The following NKTR variants were observed in gnomAD, a reference collection of about 807,000 sequenced individuals.
NKTR encodes the protein natural killer cell triggering receptor, also known as NK-tumor recognition protein.
Under a neutral mutation model 156.3 loss-of-function variants are expected in NKTR, and 67 were observed. The ratio of observed to expected loss-of-function variants is 0.43; its 90% CI spans 0.35 to 0.53. The LOEUF is 0.53. Among genes scored for constraint, NKTR ranks in the 20% least tolerant of loss-of-function variants. The probability of loss-of-function intolerance (pLI) is 0.01; values close to 1 mark genes in which losing one functional copy is unlikely to be tolerated. For synonymous variants in NKTR, 640 were observed against 596.6 expected, an observed-to-expected ratio of 1.07 and a Z score of -1.06; for missense variants, 1,604 against 1,730.9, an observed-to-expected ratio of 0.93 and a Z score of 1.30.
chr3:42,628,253 T>C (rs1000394085), intron 6 of NKTR: 8 of 985,310 alleles, frequency 8.1e-6, no homozygotes, highest in African/African-American at 3.5e-5. Context: ...ATGGGCAGGC[T>C]GAGTTGTCCT....
rs1363368027 is a variant in NKTR, at chr3:42,632,869, T to C, written c.773+46T>C. 2 of 1,452,800 alleles carry C rather than the reference T, an allele frequency of 1.4e-6. 1 individual carries two copies. Among genetic ancestry groups the C allele is most frequent in the South Asian group, 3.3e-5 (2 of 60,358 alleles). 90.0% of individuals were successfully genotyped at this position (1,452,800 alleles called of 1,614,324 possible). On this transcript the variant is annotated intron_variant, in intron 9 of 16. Coordinates refer to ENST00000232978, the MANE Select transcript of NKTR (RefSeq NM_005385.4). ...TACTCTTACCTAAAAACAAACACTC[T>C]GGAATGGGAAAAGTATGTATAATTC...
chr3:42,600,913 C>A, intron 1 of NKTR, 71 bp from the exon 2 acceptor site: 1 of 974,760 alleles, frequency 1.0e-6, no homozygotes, highest in Non-Finnish European at 1.4e-6. Context: ...TCGTCTCAGC[C>A]CCGCCCTCGC....
intron 14 of NKTR, 132 bp from the exon 15 acceptor site, chr3:42,643,207 A>G: frequency 1.4e-6 from 1 of 710,470 alleles, no homozygotes; most frequent in Middle Eastern, 3.1e-4. Context: ...TTTTGATATG[A>G]AAACAAAACA....
chr3:42,610,594 AT>A (rs149516815), intron 2 of NKTR, among the ~76,000 whole-genome samples: 17 of 148,102 alleles, frequency 1.1e-4, no homozygotes, highest in African/African-American at 2.5e-4. Flanking sequence ...CTATCGTGGG[AT>A]TTTTTTTTTC....
chr3:42,623,888 C>T (rs1559566867), intron 6 of NKTR: 1 of 152,168 alleles, frequency 6.6e-6, no homozygotes, highest in South Asian at 2.1e-4. Context: ...TTTATAGGCT[C>T]AATAAGGATT....
chr3:42,618,193 A>G (rs1241482074), intron 3 of NKTR, among the ~76,000 whole-genome samples: 1 of 151,790 alleles, frequency 6.6e-6, no homozygotes, highest in Non-Finnish European at 1.5e-5. Context: ...TCTACTAAAA[A>G]TACAAAAATT....
rs1201309252 is a variant in NKTR at position 42,642,683 on chromosome 3, G to C, written c.4142+87G>C. 5.5e-6 allele frequency: 5 copies of C among 909,260 alleles called. No homozygotes were observed. The Admixed American group carries it at 8.9e-5, about 16-fold the overall frequency. 56.3% of individuals were successfully genotyped at this position (909,260 alleles called of 1,614,324 possible). On this transcript the variant is annotated intron_variant, in intron 14 of 16. Transcript: ENST00000232978. ...AGGCAGAGGGGGTAGTTGTTGAGAAGAATCATGTCATTACTGAATATACTA... is the reference window on the plus strand; with the variant it reads ...AGGCAGAGGGGGTAGTTGTTGAGAACAATCATGTCATTACTGAATATACTA...
chr3:42,612,971 A>G (rs1437243279), intron 2 of NKTR, among the ~76,000 whole-genome samples: 1 of 152,102 alleles, frequency 6.6e-6, no homozygotes, highest in Non-Finnish European at 1.5e-5. Context: ...TTCATTTATG[A>G]AAGTATTTTG....
intron 6 of NKTR, chr3:42,628,821 G>A (rs975032396): frequency 5.8e-6 from 2 of 346,538 alleles, no homozygotes; most frequent in Middle Eastern, 1.3e-3. Context: ...GGCCAACATG[G>A]TGAAACCCCG....
intron 9 of NKTR, 163 bp downstream of exon 9, chr3:42,632,986 A>G (rs1709057013): frequency 7.7e-7 from 1 of 1,300,502 alleles, no homozygotes; most frequent in African/African-American, 1.5e-5. Context: ...TAGGTAGCAT[A>G]GGCATTTCAT....
At chr3:42,620,314 T>C in intron 5 of NKTR, 1 of 1,184,992 alleles carries the variant, frequency 8.4e-7, no homozygotes, top group South Asian at 3.6e-5. Flanking sequence ...AAATTTCGTT[T>C]TTCAAAGGTT....
At chr3:42,643,272 A>C in intron 14 of NKTR, 67 bp from the exon 15 acceptor site, 3 of 1,229,046 alleles carry the variant, frequency 2.4e-6, no homozygotes, top group Non-Finnish European at 3.5e-6. Context: ...ATAAATGTCT[A>C]GATATTTGGT....
chr3:42,600,710 G>T lies in NKTR; in HGVS notation c.-92G>T, dbSNP rs1444242788. ...AGACGGCGTTCCGTTAGCGGCGTTG[G>T]GGTTTGGCTGCAGTGGCAGTGCTTT... On this transcript the variant is annotated 5_prime_UTR_variant, in exon 1 of 17. Transcript: ENST00000232978. 2 of 263,266 alleles carry T rather than the reference G, an allele frequency of 7.6e-6. No individual in the cohort carries two copies. The highest frequency in any genetic ancestry group is 7.2e-6 in the Non-Finnish European group (1 of 138,958). 16.3% of individuals were successfully genotyped at this position (263,266 alleles called of 1,614,324 possible).
chr3:42,608,654 C>T (rs1436340857), intron 2 of NKTR, among the ~76,000 whole-genome samples: 3 of 152,138 alleles, frequency 2.0e-5, no homozygotes, highest in Non-Finnish European at 4.4e-5. Flanking sequence ...AATCTCCAGC[C>T]CCTCTTCTCT....
At chr3:42,609,114 CA>C (rs1706523167) in intron 2 of NKTR, among the ~76,000 whole-genome samples, 1 of 148,126 alleles carries the variant, frequency 6.8e-6, no homozygotes, top group South Asian at 2.1e-4. Flanking sequence ...GGCAATAGAG[CA>C]AGACTCATAT....
intron 6 of NKTR, chr3:42,630,188 GTTTT>G (rs935384623): frequency 2.3e-5 from 19 of 824,448 alleles, no homozygotes; most frequent in Non-Finnish European, 2.7e-5. Flanking sequence ...AATTTTGAGG[GTTTT>G]TTTTTTTAAG....
rs192889543 is a variant in NKTR, at chr3:42,634,648, A to G, written c.965A>G (p.Gln322Arg). ...IPDVAPIVSDQKPSVSKSGRK... is the reference protein window; with the variant it reads ...IPDVAPIVSDRKPSVSKSGRK... ...GATGTTGCACCCATTGTAAGTGATC[A>G]GAAACCATCTGTATCAAAGTCTGGA... The change falls in exon 11 of 17, where the codon CAG becomes CGG. Residue 322 changes from glutamine to arginine, a missense_variant. Physicochemically the swap from Gln to Arg is conservative, Grantham distance 43 (BLOSUM62 1). Transcript: ENST00000232978. 3.9e-4 allele frequency: 623 copies of G among 1,604,470 alleles called. 5 individuals carry two copies. The East Asian group carries it at 0.011, about 27-fold the overall frequency.
chr3:42,630,613 G>A (rs1181837201), intron 7 of NKTR, 38 bp downstream of exon 7: 1 of 1,612,678 alleles, frequency 6.2e-7, no homozygotes, highest in African/African-American at 1.3e-5. Flanking sequence ...GGAAGTGTTT[G>A]GGTGGCCAGC....
chr3:42,630,704 C>A, intron 7 of NKTR, 129 bp downstream of exon 7: 1 of 1,489,686 alleles, frequency 6.7e-7, no homozygotes, highest in Non-Finnish European at 9.0e-7. Flanking sequence ...AAAAGCTATT[C>A]CTTAGGATCA....
Sources: gnomAD v4.1 joint callset for allele counts (sites outside exome capture counted in the v4.1 genomes callset) on GRCh38, gnomAD v4.1.1 for gene constraint, MANE v1.5 for transcripts, NCBI Gene and HGNC (gene_info 2026-07-23, HGNC 2026-07-21) for gene names.